Variants in CATSPERG observed in about 807,000 individuals in gnomAD.
CATSPERG encodes the protein catsper channel auxiliary subunit gamma.
Under a neutral mutation model 145.0 loss-of-function variants are expected in CATSPERG, and 115 were observed. The ratio of observed to expected loss-of-function variants is 0.79; its 90% confidence interval spans 0.68 to 0.93. CATSPERG has a LOEUF of 0.93. Among genes scored for constraint, CATSPERG ranks in the 40% least tolerant of loss-of-function variants. The probability of loss-of-function intolerance (pLI) is 0.00; values close to 1 mark genes in which losing one functional copy is unlikely to be tolerated. For synonymous variants in CATSPERG, 588 were observed against 589.0 expected (o/e 1.00, Z 0.02); for missense variants, 1,296 against 1,490.1 (o/e 0.87, Z 2.14).
chr19:38,335,924 GC>G, intron 1 of CATSPERG, 49 bp downstream of exon 1: 1 of 276,252 alleles, frequency 3.6e-6, no homozygotes, highest in South Asian at 2.8e-5. Flanking sequence ...GCGGGGGGAT[GC>G]CGGGGACGGG....
Position 38,356,917 on chromosome 19 carries a change from A to G in CATSPERG, c.1315+56A>G, listed in dbSNP as rs1468281329. On this transcript the variant is annotated intron_variant, in intron 11 of 28. Coordinates refer to ENST00000409235, the MANE Select transcript of CATSPERG (RefSeq NM_021185.5). ...AAAGGGGCAGGATCCCAGACTGTGG[A>G]CTGCATGCCCATCCTGAGGGATCTG... The G allele has an allele frequency of 1.3e-5, 21 of 1,600,084 alleles. No individual in the cohort carries two copies. In the East Asian group the frequency reaches 3.8e-4, roughly 29 times the overall value.
chr19:38,366,998 T>A (rs1970461126), intron 22 of CATSPERG, 158 bp from the exon 23 acceptor site: 8 of 656,960 alleles, frequency 1.2e-5, no homozygotes, highest in Non-Finnish European at 2.0e-5. Flanking sequence ...CAGGCCGTGT[T>A]AATGATATTA....
Position 38,335,846 on chromosome 19 carries a change from G to A in CATSPERG, c.-44G>A. 4.7e-6 allele frequency: 1 copy of A among 211,116 alleles called. No individual in the cohort carries two copies. Among genetic ancestry groups the A allele is most frequent in the Non-Finnish European group, 9.9e-6 (1 of 100,830 alleles). The allele number at this position is 211,116 out of a possible 1,614,324, so 13.1% of individuals were successfully genotyped here. ...AGGGGCGGGACTGGTGCGGCCGAGT[G>A]ACAGTTGACCGGTTTTAACCAAGTG... On this transcript the variant is annotated 5_prime_UTR_variant, in exon 1 of 29. Transcript: ENST00000409235.
chr19:38,361,717 T>G lies in CATSPERG; in HGVS notation c.1950T>G (p.Ser650Arg), dbSNP rs3745953. 3,645 of 1,613,012 alleles carry G rather than the reference T, an allele frequency of 2.3e-3. 82 individuals carry two copies. In the East Asian group the frequency reaches 0.056, roughly 25 times the overall value. Residue 650 changes from serine to arginine, a missense_variant, in exon 17 of 29, where the codon AGT (serine) becomes AGG (arginine). Ser to Arg is a moderately radical substitution (Grantham distance 110, BLOSUM62 -1). Coordinates refer to ENST00000409235, the MANE Select transcript of CATSPERG (RefSeq NM_021185.5). Reference sequence around the variant, plus strand: ...TGATGCGCCTGCGGAGCCTGCCCAGTCCGCAGAGATACACGCGCCAGGAGC... The same window carrying G: ...TGATGCGCCTGCGGAGCCTGCCCAGGCCGCAGAGATACACGCGCCAGGAGC... ...FSVMRLRSLP[S>R]PQRYTRQERY...
In CATSPERG at chr19:38,362,669, CCTGT is replaced by C. The variant is rs758968247; in HGVS notation, c.2357-40_2357-37del. The C allele has an allele frequency of 2.5e-6, 4 of 1,607,070 alleles. No individual in the cohort carries two copies. The East Asian group carries it at 8.9e-5, about 36-fold the overall frequency. ...CGGGGACACCATCGGAGGGGCGGGG[CCTGT>C]CTGTGAGGGAGGCCTTAACCCCGTT... On this transcript the variant is annotated intron_variant, in intron 19 of 28. Transcript: ENST00000409235.
Position 38,362,699 on chromosome 19 carries a change from T to G in CATSPERG, c.2357-15T>G. The G allele has an allele frequency of 6.2e-7, 1 of 1,613,604 alleles. No homozygotes were observed. The highest frequency in any genetic ancestry group is 8.5e-7 in the Non-Finnish European group (1 of 1,179,620). On this transcript the variant is annotated splice_polypyrimidine_tract_variant and intron_variant, in intron 19 of 28. Transcript: ENST00000409235. ...CTGTGAGGGAGGCCTTAACCCCGTTTACTGCCCGGAGCAGGCACCGCCTTC... is the reference window on the plus strand; with the variant it reads ...CTGTGAGGGAGGCCTTAACCCCGTTGACTGCCCGGAGCAGGCACCGCCTTC...
At chr19:38,349,595 A>G (rs1970100040) in intron 7 of CATSPERG, 1 of 152,396 alleles carries the variant, frequency 6.6e-6, no homozygotes, top group African/African-American at 2.4e-5. Context: ...ATGCTGTAAC[A>G]AAGAGACCCT....
Position 38,360,748 on chromosome 19 carries a change from C to T in CATSPERG, c.1785C>T (p.Asn595=), listed in dbSNP as rs769664533. Residue 595 remains asparagine (N), a synonymous_variant, in exon 16 of 29, where the codon AAC becomes AAT. Coordinates refer to ENST00000409235, the MANE Select transcript of CATSPERG (RefSeq NM_021185.5). Reference sequence around the variant, plus strand: ...CCCTGCAGCTGGTGTACCTTATGAACAACCAGAAGGGCCAGCTGGTCAAGA... The same window carrying T: ...CCCTGCAGCTGGTGTACCTTATGAATAACCAGAAGGGCCAGCTGGTCAAGA... ...SKLYQLVYLM[N]NQKGQLVKRL... The T allele has an allele frequency of 2.7e-5, 44 of 1,614,114 alleles. No homozygotes were observed. Among genetic ancestry groups the T allele is most frequent in the Non-Finnish European group, 3.6e-5 (43 of 1,179,980 alleles).
At position 38,344,420 on chromosome 19, in the gene CATSPERG, G is replaced by GCCCT. The variant is rs1969992293; in HGVS notation, c.669+53_669+56dup. 13 of 1,477,486 alleles carry GCCCT rather than the reference G, an allele frequency of 8.8e-6. No individual in the cohort carries two copies. The South Asian group carries it at 1.6e-4, about 18-fold the overall frequency. 91.5% of individuals were successfully genotyped at this position (1,477,486 alleles called of 1,614,324 possible). A position where few individuals can be genotyped will look rare whatever the true frequency, so the allele number is the denominator to read the frequency against. ...ACAATGGTCTGGGCCTTAGGCTGAC[G>GCCCT]CCCTGGTTACTTCCCAGACAAGCAG... On this transcript the variant is annotated intron_variant, in intron 6 of 28. Transcript: ENST00000409235.
intron 3 of CATSPERG, 107 bp downstream of exon 3, chr19:38,337,753 C>T: frequency 9.2e-7 from 1 of 1,088,148 alleles, no homozygotes; most frequent in Non-Finnish European, 1.3e-6. Context: ...GAGTCTTGCG[C>T]TGTTGCCCAG....
At chr19:38,352,525 A>G in intron 8 of CATSPERG, 93 bp downstream of exon 8, 1 of 1,099,052 alleles carries the variant, frequency 9.1e-7, no homozygotes. Flanking sequence ...GCTGTGGGTG[A>G]GGCATTGGGG....
chr19:38,361,976 T>C (rs1600477356), intron 17 of CATSPERG, 115 bp downstream of exon 17: 1 of 66,958 alleles, frequency 1.5e-5, no homozygotes, highest in Admixed American at 2.0e-4. Flanking sequence ...ACAGGACTGG[T>C]GGTGGGTGGG....
chr19:38,367,016 T>C (rs1970461505), intron 22 of CATSPERG, 140 bp from the exon 23 acceptor site: 2 of 717,946 alleles, frequency 2.8e-6, no homozygotes, highest in South Asian at 1.9e-5. Context: ...TTAATGACCA[T>C]ATTGCCCTTG....
intron 4 of CATSPERG, 92 bp downstream of exon 4, chr19:38,343,816 G>A: frequency 1.4e-6 from 2 of 1,452,354 alleles, no homozygotes; most frequent in South Asian, 1.3e-5. Flanking sequence ...AGGAGGGTAT[G>A]TGGGGGGCGG....
chr19:38,343,133 C>A (rs1969966488), intron 3 of CATSPERG, among the ~76,000 whole-genome samples: 1 of 152,000 alleles, frequency 6.6e-6, no homozygotes, highest in Non-Finnish European at 1.5e-5. Flanking sequence ...TCACTTGAGA[C>A]CAGGAGTTCA....
Position 38,337,472 on chromosome 19 carries a change from A to C in CATSPERG, c.238A>C (p.Met80Leu), listed in dbSNP as rs777650361. ...GGACACAGTGAGCAGCTTGTTTCACATGCTGGTGGACTCACCCATCGACCC... is the reference window on the plus strand; with the variant it reads ...GGACACAGTGAGCAGCTTGTTTCACCTGCTGGTGGACTCACCCATCGACCC... ...PVDTVSSLFHMLVDSPIDPSE... is the reference protein window; with the variant it reads ...PVDTVSSLFHLLVDSPIDPSE... The change falls in exon 2 of 29, where the codon ATG (methionine) becomes CTG (leucine). Residue 80 changes from methionine (M) to leucine (L), a missense_variant. Met to Leu is a conservative substitution (Grantham distance 15). Transcript: ENST00000409235. 4.6e-5 allele frequency: 72 copies of C among 1,552,178 alleles called. 1 individual carries two copies. In the South Asian group the frequency reaches 5.0e-4, roughly 11 times the overall value.
In CATSPERG at chr19:38,344,627, G is replaced by A. The variant is rs375687464; in HGVS notation, c.669+259G>A. 1.4e-4 allele frequency among the ~76,000 whole-genome samples: 21 copies of A among 151,910 alleles called. 1 individual carries two copies. Among genetic ancestry groups the A allele is most frequent in the Admixed American group, 1.1e-3 (17 of 15,232 alleles). The stretch of plus-strand genomic sequence containing the variant: ...CCCTCAGCATGGAGGGAGTCTTGAA[G>A]TTATCTGTCTGACTCCTATACACAC... On this transcript the variant is annotated intron_variant, in intron 6 of 28. Transcript: ENST00000409235.
At chr19:38,338,925 G>A (rs187279977) in intron 3 of CATSPERG, among the ~76,000 whole-genome samples, 10 of 152,164 alleles carry the variant, frequency 6.6e-5, no homozygotes, top group Admixed American at 5.9e-4. Flanking sequence ...TGTTGTTGGG[G>A]TGATCAGACC....
intron 22 of CATSPERG, 68 bp from the exon 23 acceptor site, chr19:38,367,087 GC>G: frequency 6.9e-7 from 1 of 1,459,718 alleles, no homozygotes. Context: ...TGTCCTTCCT[GC>G]CCCTTACCCC....
Sources: allele counts gnomAD v4.1 joint callset (sites outside exome capture counted in the v4.1 genomes callset), GRCh38; gene constraint gnomAD v4.1.1; transcripts MANE v1.5; gene names NCBI Gene and HGNC (gene_info 2026-07-23, HGNC 2026-07-21).